Variants in AWAT1 observed in about 807,000 individuals in gnomAD.
AWAT1 encodes diacyl-glycerol acyltransferase 2.
In AWAT1, 26 loss-of-function variants were observed where a neutral mutation model predicts 21.6. The ratio of observed to expected loss-of-function variants is 1.20; its 90% CI spans 0.88 to 1.67. The LOEUF is 1.67. Among genes scored for constraint, AWAT1 ranks in the 40% most tolerant of loss-of-function variants. The pLI is 0.00. For synonymous variants in AWAT1, 102 were observed against 99.3 expected (o/e 1.03, Z -0.16); for missense variants, 264 against 249.4 (o/e 1.06, Z -0.39).
At chrX:70,236,967 C>A in intron 3 of AWAT1, 77 bp from the exon 4 acceptor site, 2 of 939,312 alleles carry the variant, frequency 2.1e-6, no homozygotes, top group Non-Finnish European at 3.0e-6. Flanking sequence ...GCACCCTGAT[C>A]CCTGAAGTAT....
At position 70,239,895 on chromosome X, in the gene AWAT1, A is replaced by T. The variant is rs750031401; in HGVS notation, c.793A>T (p.Thr265Ser). The change falls in exon 6 of 7, where the codon ACT becomes TCT. Residue 265 changes from threonine (T) to serine (S), a missense_variant. Coordinates refer to ENST00000374521, the MANE Select transcript of AWAT1 (RefSeq NM_001013579.3). ...FYGQSFCQGS[T>S]GLLPYSRPIV... ...TGGACAAAGCTTCTGTCAAGGCTCC[A>T]CTGGGCTCCTGCCATACTCCAGGCC... 1 of 1,208,522 alleles carries T rather than the reference A, an allele frequency of 8.3e-7. No homozygotes were observed. The highest frequency in any genetic ancestry group is 1.1e-6 in the Non-Finnish European group (1 of 894,718).
intron 3 of AWAT1, 41 bp downstream of exon 3, chrX:70,236,180 AC>A (rs756140842): frequency 1.9e-6 from 2 of 1,064,145 alleles, no homozygotes; most frequent in African/African-American, 3.7e-5. Context: ...TTCCCAAAAT[AC>A]TGGGTAGGCA....
chrX:70,237,831 C>CAAAAAAA (rs34212707), intron 4 of AWAT1, among the ~76,000 whole-genome samples: 9 of 19,378 alleles, frequency 4.6e-4, no homozygotes, highest in African/African-American at 6.5e-4. Context: ...AACTCTGTCT[C>CAAAAAAA]AAAAAAAAAA....
rs144785583 is a variant in AWAT1, at chrX:70,238,306, C to T, written c.555C>T (p.Ala185=). The T allele has an allele frequency of 3.3e-6, 4 of 1,210,485 alleles. No homozygotes were observed. Among genetic ancestry groups the T allele is most frequent in the Non-Finnish European group, 4.5e-6 (4 of 894,604 alleles). ...TTGTAGTGGGAGGTGTGGGTGAGGC[C>T]CTGCAAAGTGTGCCCAACACCACCA... is the stretch of plus-strand genomic sequence containing the variant. ...VGIVVGGVGE[A]LQSVPNTTTL... The change falls in exon 5 of 7, where the codon GCC becomes GCT. Residue 185 remains alanine (A), a synonymous_variant. Coordinates refer to ENST00000374521, the MANE Select transcript of AWAT1 (RefSeq NM_001013579.3).
At position 70,239,746 on chromosome X, in the gene AWAT1, T is replaced by C. The variant is rs1368106361; in HGVS notation, c.644T>C (p.Val215Ala). The change falls in exon 6 of 7, where the codon GTC (valine) becomes GCC (alanine). Residue 215 changes from valine to alanine, a missense_variant. Physicochemically the swap from Val to Ala is moderately conservative, Grantham distance 64. Transcript: ENST00000374521. ...GAGTTTTCCTACAGGGCTCATCTGG[T>C]CCCCACCTTCACTTTTGGGGAAACT... ...RTALQHGAHLVPTFTFGETEV... is the reference protein window; with the variant it reads ...RTALQHGAHLAPTFTFGETEV... 1 of 1,208,812 alleles carries C rather than the reference T, an allele frequency of 8.3e-7. No individual in the cohort carries two copies. Among genetic ancestry groups the C allele is most frequent in the Admixed American group, 2.2e-5 (1 of 45,781 alleles).
Position 70,238,357 on chromosome X carries a change from G to A in AWAT1, c.606G>A (p.Gly202=), listed in dbSNP as rs1055275602. ...CCCTCATCCTCCAGAAGCGCAAGGG[G>A]TTCGTGCGCACAGCCCTCCAGCATG... The part of the protein sequence containing the change: ...TTTLILQKRK[G]FVRTALQHGA... The change falls in exon 5 of 7, where the codon GGG becomes GGA. Residue 202 remains glycine, a synonymous_variant. Transcript: ENST00000374521. 1.2e-5 allele frequency: 15 copies of A among 1,203,398 alleles called. No homozygotes were observed. The highest frequency in any genetic ancestry group is 1.6e-5 in the Non-Finnish European group (14 of 889,812).
rs138134361 is a variant in AWAT1 at position 70,237,160 on chromosome X, G to A, written c.372G>A (p.Ser124=). Residue 124 remains serine (S), a synonymous_variant, in exon 4 of 7, where the codon TCG becomes TCA. Coordinates refer to ENST00000374521, the MANE Select transcript of AWAT1 (RefSeq NM_001013579.3). ...TCTGCACTGAGGCCACAGGCTTCTC[G>A]AAGACCTTCCCAGGCATCACTCCTC... ...CNFCTEATGF[S]KTFPGITPHL... 2.7e-4 allele frequency: 327 copies of A among 1,205,981 alleles called. No homozygotes were observed. The highest frequency in any genetic ancestry group is 3.5e-4 in the Non-Finnish European group (314 of 893,535).
In AWAT1 at chrX:70,236,081, C is replaced by A; in HGVS notation, c.197C>A (p.Ser66Ter). Residue 66 changes from serine to a stop codon, truncating the protein, a stop_gained, in exon 3 of 7, where the codon TCG becomes TAG. Transcript: ENST00000374521. LOFTEE classifies it high-confidence loss of function. Reference protein sequence around the residue: ...WKTPERGGRRSAWVRNWCVWT... With the variant: ...WKTPERGGRR Reference sequence around the variant, plus strand: ...TCTTTTGCCTCAGGTGGCAGGCGTTCGGCCTGGGTAAGGAACTGGTGTGTC... The same window carrying A: ...TCTTTTGCCTCAGGTGGCAGGCGTTAGGCCTGGGTAAGGAACTGGTGTGTC... The A allele has an allele frequency of 8.3e-7, 1 of 1,210,220 alleles. No homozygotes were observed. Among genetic ancestry groups the A allele is most frequent in the Non-Finnish European group, 1.1e-6 (1 of 894,206 alleles).
At chrX:70,237,561 G>C (rs1033772414) in intron 4 of AWAT1, among the ~76,000 whole-genome samples, 1 of 109,952 alleles carries the variant, frequency 9.1e-6, no homozygotes, top group Non-Finnish European at 1.9e-5. Context: ...GCCAGGTGCA[G>C]TGACTCACGC....
chrX:70,239,745 G>T lies in AWAT1; in HGVS notation c.643G>T (p.Val215Phe). ...GGAGTTTTCCTACAGGGCTCATCTG[G>T]TCCCCACCTTCACTTTTGGGGAAAC... ...RTALQHGAHL[V>F]PTFTFGETEV... The change falls in exon 6 of 7, where the codon GTC becomes TTC. Residue 215 changes from valine to phenylalanine, a missense_variant. Val to Phe is a conservative substitution (Grantham distance 50, BLOSUM62 -1). Coordinates refer to ENST00000374521, the MANE Select transcript of AWAT1 (RefSeq NM_001013579.3). 2.5e-6 allele frequency: 3 copies of T among 1,210,219 alleles called. No homozygotes were observed. Among genetic ancestry groups the T allele is most frequent in the Non-Finnish European group, 3.4e-6 (3 of 894,004 alleles).
In AWAT1 at chrX:70,235,683, G is replaced by A. The variant is rs540587652; in HGVS notation, c.77-33G>A. 1.8e-5 allele frequency: 20 copies of A among 1,085,864 alleles called. No homozygotes were observed. In the African/African-American group the frequency reaches 3.3e-4, roughly 18 times the overall value. The allele number at this position is 1,085,864 out of a possible 1,213,427, so 89.5% of individuals were successfully genotyped here. ...TGGGCATGGTCAAGTTCTGCTGGCA[G>A]CACAAATTTGGTCTAACCTGGTCCC... is the stretch of plus-strand genomic sequence containing the variant. On this transcript the variant is annotated intron_variant, in intron 1 of 6. Transcript: ENST00000374521.
At chrX:70,237,948 T>C (rs2085522013) in intron 4 of AWAT1, among the ~76,000 whole-genome samples, 1 of 106,066 alleles carries the variant, frequency 9.4e-6, no homozygotes, top group Admixed American at 1.0e-4. Context: ...CCATTATACA[T>C]GGGATTCAGG....
chrX:70,237,997 G>A (rs1463058265), intron 4 of AWAT1, among the ~76,000 whole-genome samples: 2 of 109,199 alleles, frequency 1.8e-5, no homozygotes, highest in African/African-American at 6.7e-5. Flanking sequence ...CTTCCTACCG[G>A]TTTTGGCTCA....
intron 5 of AWAT1, among the ~76,000 whole-genome samples, chrX:70,238,899 C>T (rs1157282001): frequency 8.9e-6 from 1 of 112,727 alleles, no homozygotes; most frequent in Admixed American, 9.3e-5. Flanking sequence ...GTCCCTGGCA[C>T]ACTGTAAGAG....
chrX:70,236,033 C>T (rs756210452), intron 2 of AWAT1, 36 bp from the exon 3 acceptor site: 1 of 1,129,085 alleles, frequency 8.9e-7, no homozygotes. Flanking sequence ...GGATGGCACA[C>T]ACTGACATCA....
Position 70,236,111 on chromosome X carries a change from C to T in AWAT1, c.227C>T (p.Thr76Ile). The part of the protein sequence containing the change: ...SAWVRNWCVW[T>I]HIRDYFPITI... ...TGGGTAAGGAACTGGTGTGTCTGGACCCACATCAGGGACTATTTCCCCATT... is the reference window on the plus strand; with the variant it reads ...TGGGTAAGGAACTGGTGTGTCTGGATCCACATCAGGGACTATTTCCCCATT... Residue 76 changes from threonine to isoleucine, a missense_variant, in exon 3 of 7, where the codon ACC becomes ATC. Coordinates refer to ENST00000374521, the MANE Select transcript of AWAT1 (RefSeq NM_001013579.3). 8.3e-7 allele frequency: 1 copy of T among 1,210,760 alleles called. No homozygotes were observed. Among genetic ancestry groups the T allele is most frequent in the Non-Finnish European group, 1.1e-6 (1 of 894,583 alleles).
chrX:70,240,149 G>A lies in AWAT1; in HGVS notation c.846G>A (p.Leu282=), dbSNP rs200229235. ...RPIVTVVGEP[L]PLPQIEKPSQ... is the part of the protein sequence containing the mutation. ...CTCTCTTGGCAGTTGGGGAGCCTCT[G>A]CCACTGCCCCAAATTGAAAAGCCAA... Residue 282 remains leucine, a synonymous_variant, in exon 7 of 7, where the codon CTG becomes CTA. Transcript: ENST00000374521. The A allele has an allele frequency of 2.5e-6, 3 of 1,211,352 alleles. No individual in the cohort carries two copies. In the Admixed American group the frequency reaches 6.5e-5, roughly 26 times the overall value.
rs73634823 is a variant in AWAT1 at position 70,234,824 on chromosome X, C to T, written c.76+53C>T. 2.6e-3 allele frequency: 2,794 copies of T among 1,071,928 alleles called. 41 individuals carry two copies. In the African/African-American group the frequency reaches 0.047, roughly 18 times the overall value. 88.3% of individuals were successfully genotyped at this position (1,071,928 alleles called of 1,213,427 possible). A position where few individuals can be genotyped will look rare whatever the true frequency, so the allele number is the denominator to read the frequency against. ...AAGAAGCCAGAGTCAGAAGCCAGGGCCAGATCTAGGGTGACTTTTAGGGCC... is the reference window on the plus strand; with the variant it reads ...AAGAAGCCAGAGTCAGAAGCCAGGGTCAGATCTAGGGTGACTTTTAGGGCC... On this transcript the variant is annotated intron_variant, in intron 1 of 6. Coordinates refer to ENST00000374521, the MANE Select transcript of AWAT1 (RefSeq NM_001013579.3).
chrX:70,238,278 G>C lies in AWAT1; in HGVS notation c.527G>C (p.Gly176Ala). ...AGCCATGGCACTGGCAACCTCGTGG[G>C]CATTGTAGTGGGAGGTGTGGGTGAG... ...LLSHGTGNLV[G>A]IVVGGVGEAL... The change falls in exon 5 of 7, where the codon GGC becomes GCC. Residue 176 changes from glycine to alanine, a missense_variant. Gly to Ala is a moderately conservative substitution (Grantham distance 60). Coordinates refer to ENST00000374521, the MANE Select transcript of AWAT1 (RefSeq NM_001013579.3). 1 of 1,211,197 alleles carries C rather than the reference G, an allele frequency of 8.3e-7. No individual in the cohort carries two copies. Among genetic ancestry groups the C allele is most frequent in the Non-Finnish European group, 1.1e-6 (1 of 895,008 alleles).
Sources: allele counts gnomAD v4.1 joint callset (sites outside exome capture counted in the v4.1 genomes callset), GRCh38; gene constraint gnomAD v4.1.1; transcripts MANE v1.5; gene names NCBI Gene and HGNC (gene_info 2026-07-23, HGNC 2026-07-21).